CDH6: variants seen among roughly 807,000 people sequenced by gnomAD.
The protein encoded by CDH6 is cadherin 6, also known as cadherin-6.
In CDH6, 31 loss-of-function variants were observed where a neutral mutation model predicts 78.0. That is an observed-to-expected ratio of 0.40 (90% confidence interval 0.30 to 0.54). The LOEUF is 0.54. Among genes scored for constraint, CDH6 ranks in the 20% least tolerant of loss-of-function variants. CDH6 has a pLI of 0.56. For synonymous variants in CDH6, 376 were observed against 368.8 expected (o/e 1.02, Z -0.23); for missense variants, 724 against 975.9 (o/e 0.74, Z 3.44).
chr5:31,253,916 T>C (rs1230989104), intron 1 of CDH6, among the ~76,000 whole-genome samples: 2 of 151,878 alleles, frequency 1.3e-5, no homozygotes, highest in African/African-American at 2.4e-5. Flanking sequence ...AAAAGGTAAA[T>C]ACAGTAATCC....
In CDH6 at chr5:31,313,381, G is replaced by A. The variant is rs774760334; in HGVS notation, c.1317G>A (p.Ser439=). 1.3e-5 allele frequency: 21 copies of A among 1,613,778 alleles called. No individual in the cohort carries two copies. Among genetic ancestry groups the A allele is most frequent in the African/African-American group, 4.0e-5 (3 of 74,908 alleles). The part of the protein sequence containing the change: ...RIFNIDSGNG[S]IFTSKLLDRE... ...TCAACATTGATTCTGGAAATGGTTC[G>A]ATTTTTACATCGAAACTTCTTGACC... The change falls in exon 8 of 12, where the codon TCG becomes TCA. Residue 439 remains serine (S), a synonymous_variant. Transcript: ENST00000265071.
chr5:31,213,555 C>T (rs1740777203), intron 1 of CDH6, among the ~76,000 whole-genome samples: 1 of 152,152 alleles, frequency 6.6e-6, no homozygotes, highest in South Asian at 2.1e-4. Flanking sequence ...GCTGCTTAAA[C>T]AGGTTTATGC....
intron 1 of CDH6, 30 bp downstream of exon 1, chr5:31,193,916 C>T (rs1341751489): frequency 1.3e-5 from 2 of 151,582 alleles, no homozygotes; most frequent in African/African-American, 4.9e-5. Context: ...GCTATGCATA[C>T]ATCTCCCTTT....
intron 1 of CDH6, among the ~76,000 whole-genome samples, chr5:31,208,861 T>TA (rs1323239506): frequency 1.3e-5 from 2 of 152,250 alleles, no homozygotes; most frequent in African/African-American, 4.8e-5. Flanking sequence ...AACATGGCTG[T>TA]ACCAAAAAGA....
chr5:31,279,198 G>A (rs9637776), intron 2 of CDH6, among the ~76,000 whole-genome samples: 26,573 of 152,062 alleles, frequency 0.17, 2,684 homozygotes, highest in East Asian at 0.24. Context: ...TTGACTGGCC[G>A]CCTTAACACA....
chr5:31,267,232 T>A (rs1742386706), intron 1 of CDH6, 114 bp from the exon 2 acceptor site: 1 of 483,268 alleles, frequency 2.1e-6, no homozygotes, highest in South Asian at 3.7e-5. Context: ...GATAGCCAAC[T>A]TTTTTTGTTG....
chr5:31,301,994 G>A, intron 5 of CDH6, 117 bp from the exon 6 acceptor site: 1 of 582,590 alleles, frequency 1.7e-6, no homozygotes, highest in Non-Finnish European at 2.9e-6. Flanking sequence ...TTTGAGGAAA[G>A]CACACATCTA....
chr5:31,259,903 CAGCCCGGGA>C (rs1742166957), intron 1 of CDH6, among the ~76,000 whole-genome samples: 1 of 152,200 alleles, frequency 6.6e-6, no homozygotes, highest in South Asian at 2.1e-4. Context: ...GGGACCGTGG[CAGCCCGGGA>C]AGCCCTTGCA....
Position 31,317,419 on chromosome 5 carries a change from T to C in CDH6, c.1557T>C (p.Ser519=). ...LHAVDKDDPY[S]GHQFSFSLAP... ...CTGTTGACAAGGATGACCCTTATAGTGGACACCAATTTTCGTTTTCCTTGG... is the reference window on the plus strand; with the variant it reads ...CTGTTGACAAGGATGACCCTTATAGCGGACACCAATTTTCGTTTTCCTTGG... Residue 519 remains serine (S), a synonymous_variant, in exon 10 of 12, where the codon AGT becomes AGC. Coordinates refer to ENST00000265071, the MANE Select transcript of CDH6 (RefSeq NM_004932.4). 1.2e-6 allele frequency: 2 copies of C among 1,611,374 alleles called. No homozygotes were observed. The highest frequency in any genetic ancestry group is 1.7e-6 in the Non-Finnish European group (2 of 1,177,510).
chr5:31,292,906 C>G (rs992121542), intron 2 of CDH6, among the ~76,000 whole-genome samples: 62 of 142,978 alleles, frequency 4.3e-4, no homozygotes, highest in Non-Finnish European at 7.7e-4. Context: ...TCCTATAGAC[C>G]TATAGTTAGG....
chr5:31,242,168 G>A (rs1451228007), intron 1 of CDH6, among the ~76,000 whole-genome samples: 2 of 152,140 alleles, frequency 1.3e-5, no homozygotes, highest in Non-Finnish European at 1.5e-5. Flanking sequence ...TTTGCATCAC[G>A]AAATCTTTGA....
At chr5:31,306,584 C>T (rs1737997750) in intron 7 of CDH6, among the ~76,000 whole-genome samples, 1 of 152,038 alleles carries the variant, frequency 6.6e-6, no homozygotes, top group Non-Finnish European at 1.5e-5. Flanking sequence ...AGTGCTAGAC[C>T]AGAATAGCAT....
At position 31,256,902 on chromosome 5, in the gene CDH6, C is replaced by T. The variant is rs894065977; in HGVS notation, c.-128-10444C>T. 2.6e-5 allele frequency among the ~76,000 whole-genome samples: 4 copies of T among 152,082 alleles called. No individual in the cohort carries two copies. In the South Asian group the frequency reaches 6.2e-4, roughly 24 times the overall value. On this transcript the variant is annotated intron_variant, in intron 1 of 11. Transcript: ENST00000265071. ...TAATTGTATACATGAGAAACAAGAG[C>T]CGAGAGAGGTGGAATAGCTTGTCTG... is the stretch of plus-strand genomic sequence containing the variant.
intron 7 of CDH6, among the ~76,000 whole-genome samples, chr5:31,306,179 G>A (rs1561068153): frequency 1.3e-5 from 2 of 152,134 alleles, no homozygotes; most frequent in Non-Finnish European, 2.9e-5. Context: ...TTAAAAGACA[G>A]AATTATCCTC....
At chr5:31,252,328 G>GT (rs1554006112) in intron 1 of CDH6, among the ~76,000 whole-genome samples, 5 of 148,922 alleles carry the variant, frequency 3.4e-5, no homozygotes, top group South Asian at 4.3e-4. Context: ...ATGTGTGTGT[G>GT]GTGTGTGTGT....
chr5:31,253,869 G>A (rs1190213272), intron 1 of CDH6, among the ~76,000 whole-genome samples: 1 of 150,372 alleles, frequency 6.7e-6, no homozygotes, highest in African/African-American at 2.4e-5. Flanking sequence ...TGTTAATATT[G>A]ACTAACTTTT....
Position 31,262,470 on chromosome 5 carries a change from C to A in CDH6, c.-128-4876C>A, listed in dbSNP as rs144817180. Among the ~76,000 whole-genome samples, 6 of 152,254 alleles carry A rather than the reference C, an allele frequency of 3.9e-5. No individual in the cohort carries two copies. In the East Asian group the frequency reaches 1.2e-3, roughly 29 times the overall value. ...AAAGTTCCTCACAAAAAACTAAGAT[C>A]CCAACAAAAAGAAAAGAAGAGACAT... On this transcript the variant is annotated intron_variant, in intron 1 of 11. Coordinates refer to ENST00000265071, the MANE Select transcript of CDH6 (RefSeq NM_004932.4).
chr5:31,248,761 A>G (rs1335051964), intron 1 of CDH6, among the ~76,000 whole-genome samples: 1 of 152,122 alleles, frequency 6.6e-6, no homozygotes, highest in Non-Finnish European at 1.5e-5. Flanking sequence ...ATACCACCCC[A>G]AAAAACCTAG....
intron 3 of CDH6, among the ~76,000 whole-genome samples, chr5:31,295,611 G>A (rs1184375437): frequency 6.6e-6 from 1 of 152,124 alleles, no homozygotes; most frequent in Non-Finnish European, 1.5e-5. Flanking sequence ...TCTCATTATT[G>A]TGATTATAGA....
Sources: gnomAD v4.1 joint callset for allele counts (sites outside exome capture counted in the v4.1 genomes callset) on GRCh38, gnomAD v4.1.1 for gene constraint, MANE v1.5 for transcripts, NCBI Gene and HGNC (gene_info 2026-07-23, HGNC 2026-07-21) for gene names.